PRRC2B: variants seen among roughly 807,000 people sequenced by gnomAD.
The protein encoded by PRRC2B is proline rich coiled-coil 2B.
In PRRC2B, 68 loss-of-function variants were observed where a neutral mutation model predicts 242.3. That is an observed-to-expected ratio of 0.28 (90% confidence interval 0.23 to 0.34). The LOEUF is 0.34. PRRC2B is among the 10% of genes least tolerant of loss of function. The probability of loss-of-function intolerance (pLI) is 1.00; values close to 1 mark genes in which losing one functional copy is unlikely to be tolerated. For synonymous variants in PRRC2B, 1,228 were observed against 1,173.6 expected, an observed-to-expected ratio of 1.05 and a Z score of -0.95; for missense variants, 2,835 against 2,954.8, an observed-to-expected ratio of 0.96 and a Z score of 0.94.
At position 131,479,277 on chromosome 9, in the gene PRRC2B, C is replaced by A; in HGVS notation, c.4784C>A (p.Ser1595Tyr). The change falls in exon 19 of 32, where the codon TCC becomes TAC. Residue 1595 changes from serine (S) to tyrosine (Y), a missense_variant. By Grantham distance (144) the Ser-to-Tyr change is moderately radical. Around this residue, in one of 7 missense-constraint regions of PRRC2B, gnomAD observed 1,536 missense variants for 1,483.1 expected, o/e 1.04. Transcript: ENST00000683519. ...VQVPVKGRGL[S>Y]SRIPPRFAKK... ...GTGCCTGTCAAAGGTCGAGGCCTTTCCTCCCGTATTCCTCCTCGATTTGCA... is the reference window on the plus strand; with the variant it reads ...GTGCCTGTCAAAGGTCGAGGCCTTTACTCCCGTATTCCTCCTCGATTTGCA... 1 of 1,613,890 alleles carries A rather than the reference C, an allele frequency of 6.2e-7. No homozygotes were observed. The highest frequency in any genetic ancestry group is 1.1e-5 in the South Asian group (1 of 91,056).
intron 1 of PRRC2B, among the ~76,000 whole-genome samples, chr9:131,389,029 TG>T (rs59173140): frequency 0.19 from 27,626 of 148,416 alleles, 4,990 homozygotes; most frequent in African/African-American, 0.44. Context: ...TTAGTAGAGA[TG>T]GGGGTTTCAC....
chr9:131,446,325 T>G lies in PRRC2B; in HGVS notation c.614-76T>G. ...TTTTTTGGTGAAGGAGGGGGTCCCT[T>G]GACCTTCAGAACCTCATACGATCCC... is the stretch of plus-strand genomic sequence containing the variant. On this transcript the variant is annotated intron_variant, in intron 6 of 31. Transcript: ENST00000683519. The surrounding 1 kb of genome is among the most constrained non-coding windows in gnomAD (Gnocchi z 4.1). The G allele has an allele frequency of 6.5e-7, 1 of 1,534,886 alleles. No homozygotes were observed. Among genetic ancestry groups the G allele is most frequent in the East Asian group, 2.3e-5 (1 of 44,234 alleles).
At chr9:131,491,776 C>T (rs1424067568) in intron 29 of PRRC2B, among the ~76,000 whole-genome samples, 196 bp downstream of exon 29, 1 of 152,178 alleles carries the variant, frequency 6.6e-6, no homozygotes, top group Admixed American at 6.5e-5. Context: ...GGCTGAGGGC[C>T]AGGAATCAGC....
chr9:131,449,922 GT>G (rs2131395269), intron 9 of PRRC2B, among the ~76,000 whole-genome samples: 1 of 152,308 alleles, frequency 6.6e-6, no homozygotes, highest in South Asian at 2.1e-4. Flanking sequence ...AGGAGTCAAG[GT>G]TTGTTTTTTC....
chr9:131,491,666 T>C, intron 29 of PRRC2B, 86 bp downstream of exon 29: 1 of 1,294,380 alleles, frequency 7.7e-7, no homozygotes, highest in Non-Finnish European at 1.0e-6. Context: ...CCCTGTGTGG[T>C]AGAAAGAGCC....
chr9:131,486,230 C>A (rs747330611), intron 26 of PRRC2B, 48 bp downstream of exon 26: 3 of 1,277,782 alleles, frequency 2.3e-6, no homozygotes, highest in Non-Finnish European at 3.4e-6. Flanking sequence ...TGGGGAGGAG[C>A]CAGTGCAGGG....
In PRRC2B at chr9:131,479,488, T is replaced by C. The variant is rs1943797264; in HGVS notation, c.4900+95T>C. 3.3e-6 allele frequency: 4 copies of C among 1,222,628 alleles called. No individual in the cohort carries two copies. The South Asian group carries it at 5.7e-5, about 17-fold the overall frequency. The allele number at this position is 1,222,628 out of a possible 1,614,324, so 75.7% of individuals were successfully genotyped here. A position where few individuals can be genotyped will look rare whatever the true frequency, so the allele number is the denominator to read the frequency against. Reference sequence around the variant, plus strand: ...GAGGATCCTGCTTTTGAGCTACGAATATAGATGGAATACAGATGGAGTACC... The same window carrying C: ...GAGGATCCTGCTTTTGAGCTACGAACATAGATGGAATACAGATGGAGTACC... On this transcript the variant is annotated intron_variant, in intron 19 of 31. Transcript: ENST00000683519.
At chr9:131,420,467 T>TC (rs1837784777) in intron 1 of PRRC2B, among the ~76,000 whole-genome samples, 7 of 11,706 alleles carry the variant, frequency 6.0e-4, no homozygotes, top group African/African-American at 1.2e-3. Context: ...CTTTCTTTCT[T>TC]TCTTTCTTTC....
intron 9 of PRRC2B, among the ~76,000 whole-genome samples, chr9:131,453,822 G>A (rs748842045): frequency 2.2e-4 from 34 of 152,270 alleles, no homozygotes; most frequent in Non-Finnish European, 4.0e-4. Flanking sequence ...GTGAGCCACT[G>A]TGAATTATAT....
At chr9:131,452,783 A>G (rs1942961830) in intron 9 of PRRC2B, among the ~76,000 whole-genome samples, 1 of 152,252 alleles carries the variant, frequency 6.6e-6, no homozygotes, top group African/African-American at 2.4e-5. Flanking sequence ...TCTTACAGCC[A>G]GAGAGCACAT....
intron 1 of PRRC2B, among the ~76,000 whole-genome samples, chr9:131,394,489 C>T: frequency 6.8e-6 from 1 of 147,478 alleles, no homozygotes. Flanking sequence ...CGGGCCCGGG[C>T]GCGCTCGCCA....
chr9:131,382,660 CAG>C (rs755596093), intron 1 of PRRC2B, among the ~76,000 whole-genome samples: 5 of 150,016 alleles, frequency 3.3e-5, no homozygotes, highest in Non-Finnish European at 7.4e-5. Context: ...TTTTTGGAGA[CAG>C]AGTCTTGCTC....
At chr9:131,468,933 G>A (rs1943467057) in intron 13 of PRRC2B, among the ~76,000 whole-genome samples, 1 of 152,164 alleles carries the variant, frequency 6.6e-6, no homozygotes, top group South Asian at 2.1e-4. Context: ...TTGGGGTATA[G>A]AATTACTGAT....
At chr9:131,451,126 G>A (rs1942899369) in intron 9 of PRRC2B, among the ~76,000 whole-genome samples, 1 of 152,192 alleles carries the variant, frequency 6.6e-6, no homozygotes, top group African/African-American at 2.4e-5. Context: ...GAGGCCGGGC[G>A]CAGTGGCTCA....
At chr9:131,396,808 A>G (rs1038322885) in intron 1 of PRRC2B, among the ~76,000 whole-genome samples, 2 of 150,576 alleles carry the variant, frequency 1.3e-5, no homozygotes, top group African/African-American at 4.9e-5. Context: ...GCTGTTTGAG[A>G]TTGTGTGGAA....
chr9:131,402,844 G>C (rs1374614723), intron 1 of PRRC2B, among the ~76,000 whole-genome samples: 1 of 152,226 alleles, frequency 6.6e-6, no homozygotes, highest in African/African-American at 2.4e-5. Context: ...GCTTTCCAGA[G>C]AGTGCCGAGG....
intron 11 of PRRC2B, among the ~76,000 whole-genome samples, chr9:131,463,628 C>CTTTTTTTTTT (rs374951504): frequency 2.4e-5 from 3 of 125,780 alleles, no homozygotes; most frequent in Non-Finnish European, 3.2e-5. Context: ...TTTAGGCATG[C>CTTTTTTTTTT]TTTTTTTTTT....
At chr9:131,425,895 G>C (rs1007824721) in intron 1 of PRRC2B, among the ~76,000 whole-genome samples, 2 of 151,836 alleles carry the variant, frequency 1.3e-5, no homozygotes, top group African/African-American at 4.8e-5. Flanking sequence ...TGTAATCCCA[G>C]CTACTTGGGA....
chr9:131,384,748 T>C (rs1161314379), intron 1 of PRRC2B, among the ~76,000 whole-genome samples: 1 of 149,438 alleles, frequency 6.7e-6, no homozygotes, highest in African/African-American at 2.5e-5. Flanking sequence ...AGAGACGGGG[T>C]TTCACCATGC....
Sources: gnomAD v4.1 joint callset for allele counts (sites outside exome capture counted in the v4.1 genomes callset) on GRCh38, gnomAD v4.1.1 for gene constraint, gnomAD v4.1.1 regional missense constraint, Gnocchi (gnomAD v3.1) non-coding constraint, MANE v1.5 for transcripts, NCBI Gene and HGNC (gene_info 2026-07-23, HGNC 2026-07-21) for gene names.